TMEM126B: variants seen among roughly 807,000 people sequenced by gnomAD.
TMEM126B encodes complex I assembly factor TMEM126B, mitochondrial.
A neutral mutation model predicts 16.5 loss-of-function variants in TMEM126B; 19 were observed. The ratio of observed to expected loss-of-function variants is 1.15; its 90% CI spans 0.80 to 1.69. The LOEUF is 1.69. Among genes scored for constraint, TMEM126B ranks in the 40% most tolerant of loss-of-function variants. The pLI is 0.00. For missense variants in TMEM126B, 293 were observed against 278.7 expected (o/e 1.05, Z -0.37); for synonymous variants, 104 against 93.2 (o/e 1.12, Z -0.67).
rs750029897 is a variant in TMEM126B at position 85,631,738 on chromosome 11, G to C, written c.133G>C (p.Asp45His). The C allele has an allele frequency of 6.2e-7, 1 of 1,613,336 alleles. No individual in the cohort carries two copies. The highest frequency in any genetic ancestry group is 8.5e-7 in the Non-Finnish European group (1 of 1,179,754). ...TGGTCAGCCCAGTCCTTCTCTAGAAGATGCAAAACTCAGAAGACCAATGGT... is the reference window on the plus strand; with the variant it reads ...TGGTCAGCCCAGTCCTTCTCTAGAACATGCAAAACTCAGAAGACCAATGGT... Reference protein sequence around the residue: ...MHGQPSPSLEDAKLRRPMVIE... With the variant: ...MHGQPSPSLEHAKLRRPMVIE... The change falls in exon 2 of 5, where the codon GAT becomes CAT. Residue 45 changes from aspartate (D) to histidine (H), a missense_variant. Coordinates refer to ENST00000358867, the MANE Select transcript of TMEM126B (RefSeq NM_018480.7).
At position 85,628,631 on chromosome 11, in the gene TMEM126B, T is replaced by A. The variant is rs1301847592; in HGVS notation, c.24T>A (p.Ala8=). 6 of 1,536,134 alleles carry A rather than the reference T, an allele frequency of 3.9e-6. No homozygotes were observed. The East Asian group carries it at 9.8e-5, about 25-fold the overall frequency. MVVFGYE[A]GTKPRDSGVV... is the part of the protein sequence containing the mutation. ...AAATGGTGGTGTTCGGGTATGAGGC[T>A]GGGACTAAGCCAAGGGATTCAGGTG... Residue 8 remains alanine (A), a synonymous_variant, in exon 1 of 5, where the codon GCT becomes GCA. Coordinates refer to ENST00000358867, the MANE Select transcript of TMEM126B (RefSeq NM_018480.7).
chr11:85,630,455 A>G (rs1381558735), intron 1 of TMEM126B, among the ~76,000 whole-genome samples: 2 of 152,234 alleles, frequency 1.3e-5, no homozygotes, highest in Admixed American at 1.3e-4. Flanking sequence ...AAAAGCACTG[A>G]ATTTAGCAGC....
chr11:85,628,655 T>A lies in TMEM126B; in HGVS notation c.48T>A (p.Gly16=). 6.5e-7 allele frequency: 1 copy of A among 1,536,066 alleles called. No individual in the cohort carries two copies. Among genetic ancestry groups the A allele is most frequent in the Non-Finnish European group, 8.7e-7 (1 of 1,146,868 alleles). ...YEAGTKPRDS[G]VVPVGTEEAP... ...CTGGGACTAAGCCAAGGGATTCAGG[T>A]GTGGTGCCGGTGGGAACTGAGGAAG... Residue 16 remains glycine, a synonymous_variant, in exon 1 of 5, where the codon GGT becomes GGA. Transcript: ENST00000358867.
chr11:85,634,177 G>C lies in TMEM126B; in HGVS notation c.295G>C (p.Val99Leu). ...CTTCCTGTTCAGACGCTGCTTCAAGGTTAAACATGATGCTTTGAAGACATA... is the reference window on the plus strand; with the variant it reads ...CTTCCTGTTCAGACGCTGCTTCAAGCTTAAACATGATGCTTTGAAGACATA... ...SNFLFRRCFK[V>L]KHDALKTYAS... Residue 99 changes from valine to leucine, a missense_variant, in exon 3 of 5, where the codon GTT becomes CTT. Val to Leu is a conservative substitution (Grantham distance 32, BLOSUM62 1). Transcript: ENST00000358867. The C allele has an allele frequency of 6.2e-7, 1 of 1,613,756 alleles. No individual in the cohort carries two copies. The highest frequency in any genetic ancestry group is 8.5e-7 in the Non-Finnish European group (1 of 1,179,834).
chr11:85,628,960 G>A (rs954007385), intron 1 of TMEM126B, among the ~76,000 whole-genome samples: 1 of 152,124 alleles, frequency 6.6e-6, no homozygotes, highest in African/African-American at 2.4e-5. Context: ...GTATTTCCCT[G>A]CTTCTATCCG....
intron 1 of TMEM126B, chr11:85,631,206 T>A (rs951649580): frequency 7.8e-7 from 1 of 1,290,086 alleles, no homozygotes; most frequent in African/African-American, 1.5e-5. Context: ...GATAGAGATG[T>A]CAATAAGCAG....
At chr11:85,629,247 G>C (rs1443046233) in intron 1 of TMEM126B, 1 of 1,289,150 alleles carries the variant, frequency 7.8e-7, no homozygotes, top group Non-Finnish European at 1.0e-6. Flanking sequence ...AGCGAATGTT[G>C]AATAAAATTC....
At position 85,628,604 on chromosome 11, in the gene TMEM126B, C is replaced by T. The variant is rs1393656167; in HGVS notation, c.-4C>T. ...CCCACCGGCAAGTCACATGAGCCACCAAAATGGTGGTGTTCGGGTATGAGG... is the reference window on the plus strand; with the variant it reads ...CCCACCGGCAAGTCACATGAGCCACTAAAATGGTGGTGTTCGGGTATGAGG... On this transcript the variant is annotated 5_prime_UTR_variant, in exon 1 of 5. It introduces an in-frame stop codon into an upstream open reading frame of the 5' UTR. Transcript: ENST00000358867. 1 of 1,536,012 alleles carries T rather than the reference C, an allele frequency of 6.5e-7. No individual in the cohort carries two copies. Among genetic ancestry groups the T allele is most frequent in the African/African-American group, 1.4e-5 (1 of 73,154 alleles).
chr11:85,634,072 T>C lies in TMEM126B; in HGVS notation c.204-14T>C, dbSNP rs2082353882. 1 of 1,594,224 alleles carries C rather than the reference T, an allele frequency of 6.3e-7. No individual in the cohort carries two copies. The highest frequency in any genetic ancestry group is 1.5e-5 in the African/African-American group (1 of 67,238). On this transcript the variant is annotated splice_polypyrimidine_tract_variant and intron_variant, in intron 2 of 4. Coordinates refer to ENST00000358867, the MANE Select transcript of TMEM126B (RefSeq NM_018480.7). Reference sequence around the variant, plus strand: ...AATGGTATAGTGAACTGAATTTTTCTTTTTTTCTATTAGGACACAAAATAT... The same window carrying C: ...AATGGTATAGTGAACTGAATTTTTCCTTTTTTCTATTAGGACACAAAATAT...
At chr11:85,631,540 C>CTA (rs2082296287) in intron 1 of TMEM126B, 147 bp from the exon 2 acceptor site, 1 of 940,260 alleles carries the variant, frequency 1.1e-6, no homozygotes, top group African/African-American at 1.7e-5. Flanking sequence ...GATTGAATTA[C>CTA]TAACAAAGTA....
intron 2 of TMEM126B, among the ~76,000 whole-genome samples, chr11:85,633,722 T>G (rs1236230429): frequency 2.0e-5 from 3 of 152,198 alleles, no homozygotes; most frequent in Non-Finnish European, 4.4e-5. Flanking sequence ...AAGTAAATCT[T>G]TTAGTTGCAG....
intron 1 of TMEM126B, among the ~76,000 whole-genome samples, chr11:85,630,896 T>G (rs2082284134): frequency 6.6e-6 from 1 of 152,246 alleles, no homozygotes; most frequent in Non-Finnish European, 1.5e-5. Flanking sequence ...CAATCCTGCC[T>G]CTACTAAAAA....
chr11:85,633,754 G>A (rs1467133329), intron 2 of TMEM126B, among the ~76,000 whole-genome samples: 2 of 152,082 alleles, frequency 1.3e-5, no homozygotes, highest in African/African-American at 4.8e-5. Context: ...TTGGATTTGG[G>A]TAGCTCATAA....
intron 2 of TMEM126B, among the ~76,000 whole-genome samples, chr11:85,632,799 T>G (rs1421429140): frequency 6.6e-6 from 1 of 151,862 alleles, no homozygotes; most frequent in Non-Finnish European, 1.5e-5. Flanking sequence ...CTTTTATTTT[T>G]TTTTATTTTA....
At chr11:85,629,703 G>T (rs568987588) in intron 1 of TMEM126B, among the ~76,000 whole-genome samples, 1 of 152,184 alleles carries the variant, frequency 6.6e-6, no homozygotes, top group East Asian at 1.9e-4. Flanking sequence ...GGTTACTCAT[G>T]TTATTGACGT....
Position 85,634,152 on chromosome 11 carries a change from C to A in TMEM126B, c.270C>A (p.Asn90Lys). Residue 90 changes from asparagine to lysine, a missense_variant, in exon 3 of 5, where the codon AAC (asparagine) becomes AAA (lysine). Asn to Lys is a moderately conservative substitution (Grantham distance 94, BLOSUM62 0). Transcript: ENST00000358867. ...CTGGTTTCTCTGGAATATTCTCAAA[C>A]TTCCTGTTCAGACGCTGCTTCAAGG... ...TTAGFSGIFS[N>K]FLFRRCFKVK... 1 of 1,613,752 alleles carries A rather than the reference C, an allele frequency of 6.2e-7. No individual in the cohort carries two copies. Among genetic ancestry groups the A allele is most frequent in the Non-Finnish European group, 8.5e-7 (1 of 1,179,854 alleles).
At chr11:85,633,883 A>T (rs993431366) in intron 2 of TMEM126B, among the ~76,000 whole-genome samples, 3 of 152,224 alleles carry the variant, frequency 2.0e-5, no homozygotes, top group Admixed American at 2.0e-4. Context: ...TCATTAGAAT[A>T]CAAGTTCTAT....
chr11:85,632,972 T>G (rs2082331223), intron 2 of TMEM126B, among the ~76,000 whole-genome samples: 2 of 152,004 alleles, frequency 1.3e-5, no homozygotes. Context: ...CCCACAACAG[T>G]CCCCAGAGTG....
chr11:85,630,074 T>G (rs1293955756), intron 1 of TMEM126B, among the ~76,000 whole-genome samples: 1 of 152,212 alleles, frequency 6.6e-6, no homozygotes, highest in Non-Finnish European at 1.5e-5. Flanking sequence ...TACATACCGC[T>G]CATTCAGCAA....
Sources: gnomAD v4.1 joint callset for allele counts (sites outside exome capture counted in the v4.1 genomes callset) on GRCh38, gnomAD v4.1.1 for gene constraint, MANE v1.5 for transcripts, NCBI Gene and HGNC (gene_info 2026-07-23, HGNC 2026-07-21) for gene names.